The following SEC16A variants were observed in gnomAD, a reference collection of about 807,000 sequenced individuals.
The protein encoded by SEC16A is protein transport protein Sec16A.
Under a neutral mutation model 221.9 loss-of-function variants are expected in SEC16A, and 110 were observed. The ratio of observed to expected loss-of-function variants is 0.50; its 90% CI spans 0.42 to 0.58. The LOEUF (loss-of-function observed/expected upper bound fraction) is 0.58, where lower values mean the gene tolerates loss of function less well. Ranked by LOEUF, SEC16A falls within the 20% of genes least tolerant of loss-of-function variation. The probability of loss-of-function intolerance (pLI) is 0.00; values close to 1 mark genes in which losing one functional copy is unlikely to be tolerated. For missense variants in SEC16A, 3,165 were observed against 3,097.8 expected (o/e 1.02, Z -0.52); for synonymous variants, 1,393 against 1,257.7 (o/e 1.11, Z -2.28).
intron 19 of SEC16A, 64 bp from the exon 20 acceptor site, chr9:136,455,857 TG>T (rs1215559267): frequency 6.8e-7 from 1 of 1,464,530 alleles, no homozygotes; most frequent in African/African-American, 1.4e-5. Context: ...GCTGCCCGCC[TG>T]CCACCACCGC....
chr9:136,450,844 T>C (rs572910328), intron 23 of SEC16A, among the ~76,000 whole-genome samples: 10 of 152,220 alleles, frequency 6.6e-5, no homozygotes, highest in Admixed American at 3.3e-4. Flanking sequence ...CATTCGCCAA[T>C]AGATAGGCAA....
Position 136,481,129 on chromosome 9 carries a change from CTTTT to C in SEC16A, c.-192+1805_-192+1808del, listed in dbSNP as rs1000992506. 3.4e-5 allele frequency among the ~76,000 whole-genome samples: 3 copies of C among 87,988 alleles called. No homozygotes were observed. In the East Asian group the frequency reaches 9.3e-4, roughly 27 times the overall value. 57.7% of individuals were successfully genotyped at this position (87,988 alleles called of 152,430 possible). ...TGTCACCACTACAGGGAATTTTATT[CTTTT>C]TTTTTTTTTTTTTTTTTTTGAGACG... On this transcript the variant is annotated intron_variant, in intron 1 of 31. Coordinates refer to ENST00000684901, the MANE Select transcript of SEC16A (RefSeq NM_014866.2).
In SEC16A at chr9:136,453,523, AAG is replaced by A. The variant is rs758886549; in HGVS notation, c.6077-15_6077-14del. 23 of 1,607,174 alleles carry A rather than the reference AAG, an allele frequency of 1.4e-5. 1 individual carries two copies. In the South Asian group the frequency reaches 2.2e-4, roughly 15 times the overall value. On this transcript the variant is annotated splice_polypyrimidine_tract_variant and intron_variant, in intron 21 of 31. Transcript: ENST00000684901. The stretch of plus-strand genomic sequence containing the variant: ...TGCGGCACTATCCCTGTCAACGGGA[AAG>A]AGAGCAACTATGATCTCAGTCACGA...
At chr9:136,479,858 C>T (rs1264426930) in intron 1 of SEC16A, among the ~76,000 whole-genome samples, 9 of 151,660 alleles carry the variant, frequency 5.9e-5, no homozygotes, top group Admixed American at 2.6e-4. Context: ...AAAAAAATGC[C>T]GGTCGTGGTG....
rs752600772 is a variant in SEC16A at position 136,474,127 on chromosome 9, C to T, written c.3489G>A (p.Arg1163=). 1.2e-6 allele frequency: 2 copies of T among 1,613,282 alleles called. No individual in the cohort carries two copies. Among genetic ancestry groups the T allele is most frequent in the Non-Finnish European group, 1.7e-6 (2 of 1,179,872 alleles). ...PQDLAAYYYY[R]PLYDAYQPQY... ...GAGGCTGGTAGGCATCGTACAAAGG[C>T]CGGTAGTAGTAGTAGGCGGCCAGGT... Residue 1163 remains arginine (R), a synonymous_variant, in exon 3 of 32, where the codon CGG becomes CGA. Coordinates refer to ENST00000684901, the MANE Select transcript of SEC16A (RefSeq NM_014866.2).
At chr9:136,480,753 G>C (rs1040568529) in intron 1 of SEC16A, among the ~76,000 whole-genome samples, 3 of 152,128 alleles carry the variant, frequency 2.0e-5, no homozygotes, top group African/African-American at 7.2e-5. Context: ...AGCCGGGCGT[G>C]GTGGCGGGCG....
In SEC16A at chr9:136,465,326, CT is replaced by C. The variant is rs1840001020; in HGVS notation, c.4303+635del. On this transcript the variant is annotated intron_variant, in intron 8 of 31. Transcript: ENST00000684901. ...ATTAGCTGTGCATGGTGGCAAACACCTGTAATCTCAACTACTCAGGAGGCTG... is the reference window on the plus strand; with the variant it reads ...ATTAGCTGTGCATGGTGGCAAACACCGTAATCTCAACTACTCAGGAGGCTG... 3.3e-5 allele frequency among the ~76,000 whole-genome samples: 5 copies of C among 152,100 alleles called. No homozygotes were observed. The South Asian group carries it at 1.0e-3, about 32-fold the overall frequency.
At chr9:136,473,395 C>T (rs769236627) in intron 3 of SEC16A, among the ~76,000 whole-genome samples, 1 of 152,220 alleles carries the variant, frequency 6.6e-6, no homozygotes, top group Non-Finnish European at 1.5e-5. Flanking sequence ...ACTTTTCGAA[C>T]GACTGCAGGA....
intron 2 of SEC16A, among the ~76,000 whole-genome samples, chr9:136,478,142 C>T (rs1430902500): frequency 1.3e-5 from 2 of 152,216 alleles, no homozygotes; most frequent in Admixed American, 6.5e-5. Flanking sequence ...TGGTGGCTTA[C>T]GCCTGTACTC....
At chr9:136,451,462 AAGAG>A (rs1319842338) in intron 22 of SEC16A, 54 bp from the exon 23 acceptor site, 1 of 1,527,992 alleles carries the variant, frequency 6.5e-7, no homozygotes, top group Non-Finnish European at 8.7e-7. Context: ...CAGGAACCGA[AAGAG>A]AGAGGGGGAT....
chr9:136,475,940 G>A lies in SEC16A; in HGVS notation c.1676C>T (p.Ser559Leu). Residue 559 changes from serine to leucine, a missense_variant, in exon 3 of 32, where the codon TCA becomes TTA. Coordinates refer to ENST00000684901, the MANE Select transcript of SEC16A (RefSeq NM_014866.2). This position sits in a 1 kb window ranked among gnomAD's most constrained non-coding sequence, Gnocchi z 5.0. ...ATCGATTTGCTTAAAAAAACTACCT[G>A]AAGCTTCATCCTCGGGTTTTCCAAC... Reference protein sequence around the residue: ...QEVGKPEDEASGSFFKQIDSS... With the variant: ...QEVGKPEDEALGSFFKQIDSS... 1 of 1,613,660 alleles carries A rather than the reference G, an allele frequency of 6.2e-7. No homozygotes were observed. The highest frequency in any genetic ancestry group is 8.5e-7 in the Non-Finnish European group (1 of 1,179,874).
At position 136,445,674 on chromosome 9, in the gene SEC16A, A is replaced by G. The variant is rs1206405766; in HGVS notation, c.6838T>C (p.Ser2280Pro). 2 of 1,551,552 alleles carry G rather than the reference A, an allele frequency of 1.3e-6. No homozygotes were observed. Among genetic ancestry groups the G allele is most frequent in the Non-Finnish European group, 1.7e-6 (2 of 1,147,858 alleles). ...ASLPGSELPSSRPEGSQGGEL... is the reference protein window; with the variant it reads ...ASLPGSELPSPRPEGSQGGEL... Reference sequence around the variant, plus strand: ...CCTCCCTGGGAACCCTCAGGCCTGGAGGAGGGGAGTTCAGAGCCAGGGAGT... The same window carrying G: ...CCTCCCTGGGAACCCTCAGGCCTGGGGGAGGGGAGTTCAGAGCCAGGGAGT... The change falls in exon 29 of 32, where the codon TCC (serine) becomes CCC (proline). Residue 2280 changes from serine to proline, a missense_variant. By Grantham distance (74) the Ser-to-Pro change is moderately conservative (BLOSUM62 -1). This residue lies in a region of SEC16A where 1,088 missense variants were observed against 1,089.6 expected (regional missense o/e 1.00). Coordinates refer to ENST00000684901, the MANE Select transcript of SEC16A (RefSeq NM_014866.2).
At chr9:136,484,509 C>T (rs753845949), upstream of SEC16A, 3 of 1,245,720 alleles carry the variant, frequency 2.4e-6, no homozygotes, top group Non-Finnish European at 2.1e-6. Flanking sequence ...CGCGGCCTTC[C>T]TCTGCTGCTC....
chr9:136,463,061 C>A lies in SEC16A; in HGVS notation c.4719G>T (p.Ser1573=), dbSNP rs776375201. 3.1e-6 allele frequency: 5 copies of A among 1,612,408 alleles called. No homozygotes were observed. The highest frequency in any genetic ancestry group is 4.2e-6 in the Non-Finnish European group (5 of 1,179,894). ...DHRTVWLPGK[S]PNEANLIDFT... ...AATCAATCAGGTTTGCTTCATTGGG[C>A]GACTTCCCAGGAAGCCACACTGTTC... Residue 1573 remains serine, a synonymous_variant, in exon 12 of 32, where the codon TCG becomes TCT. Coordinates refer to ENST00000684901, the MANE Select transcript of SEC16A (RefSeq NM_014866.2).
rs542775539 is a variant in SEC16A, at chr9:136,453,671, C to G, written c.6077-161G>C. On this transcript the variant is annotated intron_variant, in intron 21 of 31. Coordinates refer to ENST00000684901, the MANE Select transcript of SEC16A (RefSeq NM_014866.2). Reference sequence around the variant, plus strand: ...GAACATCTTCCCACATGTGTGCACACTCTTTCATTTTTAAAACTAGGCCTA... The same window carrying G: ...GAACATCTTCCCACATGTGTGCACAGTCTTTCATTTTTAAAACTAGGCCTA... 3.4e-3 allele frequency among the ~76,000 whole-genome samples: 516 copies of G among 152,344 alleles called. 3 individuals carry two copies. The highest frequency in any genetic ancestry group is 5.7e-3 in the Non-Finnish European group (389 of 68,032).
rs749697012 is a variant in SEC16A at position 136,475,879 on chromosome 9, A to G, written c.1737T>C (p.Thr579=). The change falls in exon 3 of 32, where the codon ACT becomes ACC. Residue 579 remains threonine (T), a synonymous_variant. Transcript: ENST00000684901. The surrounding 1 kb of genome is among the most constrained non-coding windows in gnomAD (Gnocchi z 5.0). ...CGCTGCCACGGTAATTCTGGCTCAC[A>G]GTGGTCTCGTCTGTTTCACCTCCTA... ...SPVGGETDET[T]VSQNYRGSVS... The G allele has an allele frequency of 4.4e-6, 7 of 1,603,492 alleles. No homozygotes were observed. In the Admixed American group the frequency reaches 5.2e-5, roughly 12 times the overall value.
chr9:136,441,817 C>T lies in SEC16A; in HGVS notation c.7012G>A (p.Ala2338Thr), dbSNP rs372004342. ...YNPAQLAQAC[A>T]TSGSSRLGRI... The stretch of plus-strand genomic sequence containing the variant: ...CCTAGCCTTGAGCTCCCGGAGGTGG[C>T]GCAGGCCTGGAATGAAATCAACAGC... Residue 2338 changes from alanine to threonine, a missense_variant, in exon 32 of 32, where the codon GCC (alanine) becomes ACC (threonine). By Grantham distance (58) the Ala-to-Thr change is moderately conservative. This residue lies in a region of SEC16A where 1,088 missense variants were observed against 1,089.6 expected (regional missense o/e 1.00). Coordinates refer to ENST00000684901, the MANE Select transcript of SEC16A (RefSeq NM_014866.2). 7 of 1,612,820 alleles carry T rather than the reference C, an allele frequency of 4.3e-6. No homozygotes were observed. Among genetic ancestry groups the T allele is most frequent in the East Asian group, 4.5e-5 (2 of 44,880 alleles).
rs1310038570 is a variant in SEC16A, at chr9:136,440,546, T to C, written c.*1209A>G. On this transcript the variant is annotated 3_prime_UTR_variant, in exon 32 of 32. Transcript: ENST00000684901. ...CTACTGATTTTTATTAGTATTTAAA[T>C]CTTTTCTTCAGTCTCTTTAGACTTG... The C allele has an allele frequency of 6.5e-6, 1 of 152,716 alleles. No individual in the cohort carries two copies. The highest frequency in any genetic ancestry group is 2.4e-5 in the African/African-American group (1 of 41,460). 9.5% of individuals were successfully genotyped at this position (152,716 alleles called of 1,614,324 possible). A position where few individuals can be genotyped will look rare whatever the true frequency, so the allele number is the denominator to read the frequency against.
chr9:136,477,395 C>T lies in SEC16A; in HGVS notation c.221G>A (p.Ser74Asn). Residue 74 changes from serine to asparagine, a missense_variant, in exon 3 of 32, where the codon AGT (serine) becomes AAT (asparagine). By Grantham distance (46) the Ser-to-Asn change is conservative. Around this residue, in one of 3 missense-constraint regions of SEC16A, gnomAD observed 2,030 missense variants for 1,923.1 expected, o/e 1.06. Coordinates refer to ENST00000684901, the MANE Select transcript of SEC16A (RefSeq NM_014866.2). The part of the protein sequence containing the change: ...STPLGSSSKS[S>N]PPVLQGPAPA... ...GGCTGGGCCTTGCAAGACAGGTGGA[C>T]TGCTTTTGGACGAACTGCCCAGTGG... The T allele has an allele frequency of 6.2e-7, 1 of 1,614,006 alleles. No homozygotes were observed. The highest frequency in any genetic ancestry group is 8.5e-7 in the Non-Finnish European group (1 of 1,179,898).
Sources: gnomAD v4.1 joint callset for allele counts (sites outside exome capture counted in the v4.1 genomes callset) on GRCh38, gnomAD v4.1.1 for gene constraint, gnomAD v4.1.1 regional missense constraint, Gnocchi (gnomAD v3.1) non-coding constraint, MANE v1.5 for transcripts, NCBI Gene and HGNC (gene_info 2026-07-23, HGNC 2026-07-21) for gene names.